The following CHCHD4 variants were observed in gnomAD, a reference collection of about 807,000 sequenced individuals.
CHCHD4 encodes coiled-coil-helix-coiled-coil-helix domain containing 4.
CHCHD4 carries 7 observed loss-of-function variants against 12.4 expected under a neutral mutation model. The ratio of observed to expected loss-of-function variants is 0.57; its 90% CI spans 0.32 to 1.06. The LOEUF is 1.06. CHCHD4 is among the 50% of genes least tolerant of loss of function. The pLI is 0.04. For missense variants in CHCHD4, 143 were observed against 175.1 expected, an observed-to-expected ratio of 0.82 and a Z score of 1.03; for synonymous variants, 56 against 58.0, an observed-to-expected ratio of 0.97 and a Z score of 0.16.
intron 1 of CHCHD4, among the ~76,000 whole-genome samples, chr3:14,120,068 CA>C (rs1290455491): frequency 2.0e-5 from 3 of 152,246 alleles, no homozygotes; most frequent in African/African-American, 7.2e-5. Flanking sequence ...TCAAAGTGCA[CA>C]AGGAGGAGGT....
In CHCHD4 at chr3:14,112,238, A is replaced by G. The variant is rs1228529319; in HGVS notation, c.*649T>C. The G allele has an allele frequency of 6.6e-6, 1 of 152,256 alleles. No individual in the cohort carries two copies. The highest frequency in any genetic ancestry group is 1.5e-5 in the Non-Finnish European group (1 of 68,044). 9.4% of individuals were successfully genotyped at this position (152,256 alleles called of 1,614,324 possible). On this transcript the variant is annotated 3_prime_UTR_variant, in exon 3 of 3. Coordinates refer to ENST00000396914, the MANE Select transcript of CHCHD4 (RefSeq NM_001098502.2). Reference sequence around the variant, plus strand: ...TGGGCCCCAAACCAGGGCTTTCGGAATAACAAGGAACAGCCAAGCCAGCCT... The same window carrying G: ...TGGGCCCCAAACCAGGGCTTTCGGAGTAACAAGGAACAGCCAAGCCAGCCT...
chr3:14,124,775 G>A lies in CHCHD4; in HGVS notation c.-99C>T. ...CTCCTCTGGCAGGGCGGGCTCCTCCGAAGCCCGCGCGGACCCGCCCCCTCC... is the reference window on the plus strand; with the variant it reads ...CTCCTCTGGCAGGGCGGGCTCCTCCAAAGCCCGCGCGGACCCGCCCCCTCC... On this transcript the variant is annotated 5_prime_UTR_variant, in exon 1 of 3. Transcript: ENST00000396914. 2 of 1,368,308 alleles carry A rather than the reference G, an allele frequency of 1.5e-6. No individual in the cohort carries two copies. Among genetic ancestry groups the A allele is most frequent in the East Asian group, 2.7e-5 (1 of 36,488 alleles). 84.8% of individuals were successfully genotyped at this position (1,368,308 alleles called of 1,614,324 possible).
At chr3:14,124,078 A>G (rs1474246727) in intron 1 of CHCHD4, among the ~76,000 whole-genome samples, 3 of 152,230 alleles carry the variant, frequency 2.0e-5, no homozygotes, top group Non-Finnish European at 4.4e-5. Context: ...AATGTGACCA[A>G]CAACAGAGCC....
At chr3:14,118,552 T>C (rs536781152) in intron 1 of CHCHD4, among the ~76,000 whole-genome samples, 1 of 152,292 alleles carries the variant, frequency 6.6e-6, no homozygotes, top group Admixed American at 6.5e-5. Flanking sequence ...CAGGGTCTCT[T>C]ACACTAGAAC....
Position 14,113,035 on chromosome 3 carries a change from A to G in CHCHD4, c.281T>C (p.Met94Thr), listed in dbSNP as rs1694838153. 10 of 1,614,020 alleles carry G rather than the reference A, an allele frequency of 6.2e-6. No homozygotes were observed. In the East Asian group the frequency reaches 2.0e-4, roughly 32 times the overall value. The change falls in exon 3 of 3, where the codon ATG becomes ACG. Residue 94 changes from methionine to threonine, a missense_variant. By Grantham distance (81) the Met-to-Thr change is moderately conservative. Transcript: ENST00000396914. ...TGGGTATTTCTGCATGCATTCCTGC[A>G]TGGCCCGGAACTGGTCTACACAGTC... ...GSDCVDQFRA[M>T]QECMQKYPDL...
At chr3:14,121,963 A>G in intron 1 of CHCHD4, 1 of 1,614,092 alleles carries the variant, frequency 6.2e-7, no homozygotes, top group Non-Finnish European at 8.5e-7. Context: ...TCACAGATGA[A>G]TACGACACAG....
rs765903367 is a variant in CHCHD4 at position 14,122,132 on chromosome 3, T to C, written c.22+2523A>G. The C allele has an allele frequency of 2.0e-5, 31 of 1,513,088 alleles. No individual in the cohort carries two copies. In the East Asian group the frequency reaches 7.1e-4, roughly 35 times the overall value. The allele number at this position is 1,513,088 out of a possible 1,614,324, so 93.7% of individuals were successfully genotyped here. On this transcript the variant is annotated intron_variant, in intron 1 of 2. Transcript: ENST00000396914. Reference sequence around the variant, plus strand: ...TTTAAGTAGTGTTCGCTCACACGTGTTTAGGATTGCAAAAGGTTTTCTTAA... The same window carrying C: ...TTTAAGTAGTGTTCGCTCACACGTGCTTAGGATTGCAAAAGGTTTTCTTAA...
chr3:14,113,823 A>T (rs960463381), intron 2 of CHCHD4, among the ~76,000 whole-genome samples: 1 of 152,234 alleles, frequency 6.6e-6, no homozygotes, highest in Non-Finnish European at 1.5e-5. Context: ...TAAACTGCAC[A>T]TATGTGTTGG....
Position 14,124,661 on chromosome 3 carries a change from G to A in CHCHD4, c.16C>T (p.Gln6Ter). 1 of 1,525,856 alleles carries A rather than the reference G, an allele frequency of 6.6e-7. No individual in the cohort carries two copies. Among genetic ancestry groups the A allele is most frequent in the Admixed American group, 2.1e-5 (1 of 47,380 alleles). 94.5% of individuals were successfully genotyped at this position (1,525,856 alleles called of 1,614,324 possible). The change falls in exon 1 of 3, where the codon CAG (glutamine) becomes TAG (stop). Residue 6 changes from glutamine to a stop codon, truncating the protein, a stop_gained. Transcript: ENST00000396914. LOFTEE classifies it high-confidence loss of function. The stretch of plus-strand genomic sequence containing the variant: ...GGCAGCCCGCCCTCCCTACCTTCCT[G>A]CCGGCAATAGGACATGGCTGCAGCC... The part of the protein sequence containing the change: MSYCR[Q>*]EGKDRIIFVT...
At chr3:14,121,863 T>A in intron 1 of CHCHD4, 1 of 1,613,816 alleles carries the variant, frequency 6.2e-7, no homozygotes, top group Non-Finnish European at 8.5e-7. Context: ...CACAAATGGC[T>A]TTCAGACAGA....
intron 1 of CHCHD4, among the ~76,000 whole-genome samples, chr3:14,122,468 G>A (rs1052532829): frequency 3.3e-5 from 5 of 152,338 alleles, no homozygotes; most frequent in African/African-American, 1.2e-4. Context: ...AAACACTATG[G>A]TGCTGACACA....
At chr3:14,114,078 G>T (rs1183076872) in intron 2 of CHCHD4, among the ~76,000 whole-genome samples, 1 of 152,070 alleles carries the variant, frequency 6.6e-6, no homozygotes, top group Non-Finnish European at 1.5e-5. Context: ...CCTCTAAAAG[G>T]TCCTGTGAAA....
chr3:14,121,422 A>G (rs1459303008), intron 1 of CHCHD4, among the ~76,000 whole-genome samples: 2 of 152,202 alleles, frequency 1.3e-5, no homozygotes, highest in Admixed American at 1.3e-4. Context: ...AGACCAAAAA[A>G]TCCCTTGGAT....
At chr3:14,119,235 C>G (rs149611625) in intron 1 of CHCHD4, 28 of 152,334 alleles carry the variant, frequency 1.8e-4, no homozygotes, top group Admixed American at 5.9e-4. Context: ...ACATTTTTGT[C>G]CCATGCAATG....
chr3:14,124,764 C>T lies in CHCHD4; in HGVS notation c.-88G>A, dbSNP rs1020211022. The T allele has an allele frequency of 1.4e-5, 20 of 1,403,078 alleles. No homozygotes were observed. In the East Asian group the frequency reaches 1.6e-4, roughly 12 times the overall value. 86.9% of individuals were successfully genotyped at this position (1,403,078 alleles called of 1,614,324 possible). A position where few individuals can be genotyped will look rare whatever the true frequency, so the allele number is the denominator to read the frequency against. On this transcript the variant is annotated 5_prime_UTR_variant, in exon 1 of 3. Coordinates refer to ENST00000396914, the MANE Select transcript of CHCHD4 (RefSeq NM_001098502.2). ...GTGACCTCCCTCTCCTCTGGCAGGG[C>T]GGGCTCCTCCGAAGCCCGCGCGGAC...
chr3:14,113,659 C>G (rs890550717), intron 2 of CHCHD4, among the ~76,000 whole-genome samples: 3 of 151,980 alleles, frequency 2.0e-5, no homozygotes, highest in Non-Finnish European at 2.9e-5. Context: ...TGCAGCTGCT[C>G]TCAGAAGCTC....
chr3:14,122,430 C>A (rs1694945424), intron 1 of CHCHD4, among the ~76,000 whole-genome samples: 1 of 152,236 alleles, frequency 6.6e-6, no homozygotes, highest in African/African-American at 2.4e-5. Flanking sequence ...TTGGCAGGCT[C>A]TGCATTAGAA....
At chr3:14,124,561 T>G in intron 1 of CHCHD4, 94 bp downstream of exon 1, 1 of 1,225,990 alleles carries the variant, frequency 8.2e-7, no homozygotes, top group Non-Finnish European at 1.1e-6. Flanking sequence ...GCGCCTCAGG[T>G]GGCCCGCGCC....
rs371326581 is a variant in CHCHD4, at chr3:14,112,960, T to G, written c.356A>C (p.Lys119Thr). The G allele has an allele frequency of 1.2e-5, 20 of 1,613,022 alleles. No homozygotes were observed. The highest frequency in any genetic ancestry group is 3.3e-5 in the Admixed American group (2 of 59,828). ...TGTTTCTTCTGCTTGTTCTGCTGGC[T>G]TCTTCTCTCTTTCCTCTTCCTCATC... ...DEDEEEEREK[K>T]PAEQAEETAP... Residue 119 changes from lysine (K) to threonine (T), a missense_variant, in exon 3 of 3, where the codon AAG becomes ACG. Transcript: ENST00000396914.
Sources: allele counts gnomAD v4.1 joint callset (sites outside exome capture counted in the v4.1 genomes callset), GRCh38; gene constraint gnomAD v4.1.1; transcripts MANE v1.5; gene names NCBI Gene and HGNC (gene_info 2026-07-23, HGNC 2026-07-21).